Variants in CSMD1 observed in about 807,000 individuals in gnomAD.
CSMD1 encodes the protein CUB and sushi domain-containing protein 1.
A neutral mutation model predicts 417.5 loss-of-function variants in CSMD1; 213 were observed. The ratio of observed to expected loss-of-function variants is 0.51; its 90% CI spans 0.46 to 0.57. The LOEUF (loss-of-function observed/expected upper bound fraction) is 0.57, where lower values mean the gene tolerates loss of function less well. Ranked by LOEUF, CSMD1 falls within the 20% of genes least tolerant of loss-of-function variation. CSMD1 has a pLI of 0.00. For synonymous variants in CSMD1, 2,862 were observed against 1,736.8 expected (o/e 1.65, Z -16.11); for missense variants, 6,923 against 4,529.7 (o/e 1.53, Z -15.17).
chr8:4,261,548 GTAGATCTTTT>G (rs1324144444), intron 3 of CSMD1, among the ~76,000 whole-genome samples: 9 of 152,084 alleles, frequency 5.9e-5, no homozygotes, highest in Non-Finnish European at 1.3e-4. Flanking sequence ...TAAGGTAAGA[GTAGATCTTTT>G]TATTTATTTT....
At chr8:3,521,214 A>T (rs1041495080) in intron 10 of CSMD1, among the ~76,000 whole-genome samples, 15 of 152,066 alleles carry the variant, frequency 9.9e-5, no homozygotes, top group African/African-American at 3.4e-4. Context: ...TTGCTTAAAC[A>T]CCTTCCCTGG....
chr8:4,261,440 T>A (rs1240769497), intron 3 of CSMD1, among the ~76,000 whole-genome samples: 1 of 152,178 alleles, frequency 6.6e-6, no homozygotes, highest in East Asian at 1.9e-4. Context: ...TTGTCAAAGT[T>A]TACAAACTTC....
intron 18 of CSMD1, among the ~76,000 whole-genome samples, chr8:3,384,649 C>T (rs13252543): frequency 0.48 from 64,381 of 134,958 alleles, 15,436 homozygotes; most frequent in Middle Eastern, 0.5. Flanking sequence ...TTGCTATATA[C>T]ATATAAATTA....
intron 50 of CSMD1, among the ~76,000 whole-genome samples, chr8:3,046,612 T>C (rs1294050505): frequency 6.6e-6 from 1 of 152,122 alleles, no homozygotes; most frequent in Non-Finnish European, 1.5e-5. Flanking sequence ...TCCACCACGG[T>C]ACAGTGTACC....
intron 6 of CSMD1, among the ~76,000 whole-genome samples, chr8:3,740,991 G>A (rs937555951): frequency 6.6e-6 from 1 of 152,026 alleles, no homozygotes; most frequent in African/African-American, 2.4e-5. Context: ...AAGGTGGACG[G>A]ATCACCTCAG....
intron 1 of CSMD1, among the ~76,000 whole-genome samples, chr8:4,812,583 T>C (rs574642999): frequency 6.6e-6 from 1 of 151,928 alleles, no homozygotes; most frequent in East Asian, 2.0e-4. Context: ...TATATTAAAG[T>C]CAATCCAAGC....
At chr8:3,443,383 G>C (rs909642890) in intron 12 of CSMD1, among the ~76,000 whole-genome samples, 48 of 152,182 alleles carry the variant, frequency 3.2e-4, no homozygotes, top group Non-Finnish European at 5.9e-4. Context: ...ATGAGCTCCA[G>C]AATTCATTAG....
At chr8:4,319,594 G>C (rs1391808473) in intron 3 of CSMD1, among the ~76,000 whole-genome samples, 1 of 152,184 alleles carries the variant, frequency 6.6e-6, no homozygotes, top group Non-Finnish European at 1.5e-5. Context: ...GAAATACAGA[G>C]TGGTGATTCC....
intron 3 of CSMD1, among the ~76,000 whole-genome samples, chr8:4,168,124 G>C (rs1426150418): frequency 6.7e-6 from 1 of 149,164 alleles, no homozygotes; most frequent in Non-Finnish European, 1.5e-5. Context: ...GCAAGGCTCT[G>C]TCTCAAAAAT....
At chr8:4,001,092 T>C (rs546114030) in intron 4 of CSMD1, among the ~76,000 whole-genome samples, 2 of 152,318 alleles carry the variant, frequency 1.3e-5, no homozygotes, top group Admixed American at 6.5e-5. Flanking sequence ...TTATGAATTT[T>C]TGTCATGGCA....
At position 3,362,307 on chromosome 8, in the gene CSMD1, T is replaced by A. The variant is rs889592977; in HGVS notation, c.3116-2967A>T. ...CCTCCCTTCCAAGACTGTCTTCCTC[T>A]CATCTATTCAGGCTTTCCTTCACAG... On this transcript the variant is annotated intron_variant, in intron 20 of 69. Coordinates refer to ENST00000635120, the MANE Select transcript of CSMD1 (RefSeq NM_033225.6). Among the ~76,000 whole-genome samples the A allele has an allele frequency of 3.3e-5, 5 of 152,326 alleles. No homozygotes were observed. The East Asian group carries it at 9.7e-4, about 29-fold the overall frequency.
intron 3 of CSMD1, among the ~76,000 whole-genome samples, chr8:4,054,423 C>A (rs757342327): frequency 2.0e-4 from 30 of 152,086 alleles, no homozygotes; most frequent in Non-Finnish European, 4.4e-4. Flanking sequence ...CCCATCATAC[C>A]CCTAAACTCT....
chr8:3,318,860 C>G (rs141525867), intron 23 of CSMD1, among the ~76,000 whole-genome samples: 19 of 152,118 alleles, frequency 1.2e-4, no homozygotes, highest in Non-Finnish European at 2.6e-4. Context: ...CCTGTGCTTT[C>G]CACGGGGCAG....
At chr8:3,349,848 AATAT>A (rs1478147304) in intron 21 of CSMD1, among the ~76,000 whole-genome samples, 2 of 139,806 alleles carry the variant, frequency 1.4e-5, no homozygotes, top group Admixed American at 7.6e-5. Flanking sequence ...TCTAGATATA[AATAT>A]ATATAATTAT....
chr8:3,589,070 C>T (rs1299859469), intron 8 of CSMD1, among the ~76,000 whole-genome samples: 2 of 152,000 alleles, frequency 1.3e-5, no homozygotes, highest in African/African-American at 4.8e-5. Context: ...ATCAAAAAGA[C>T]AAAAAATAAT....
At chr8:3,560,054 T>A (rs147001256) in intron 10 of CSMD1, among the ~76,000 whole-genome samples, 3 of 152,164 alleles carry the variant, frequency 2.0e-5, no homozygotes, top group East Asian at 3.9e-4. Flanking sequence ...TGAGAGACAA[T>A]TGATTTTTTT....
intron 24 of CSMD1, 110 bp downstream of exon 24, chr8:3,308,202 A>C: frequency 1.2e-6 from 1 of 804,874 alleles, no homozygotes; most frequent in Non-Finnish European, 2.0e-6. Flanking sequence ...CTCACACTGG[A>C]AAGTGTGATA....
intron 1 of CSMD1, among the ~76,000 whole-genome samples, chr8:4,672,780 T>A (rs1805408119): frequency 6.6e-6 from 1 of 151,504 alleles, no homozygotes; most frequent in African/African-American, 2.4e-5. Flanking sequence ...CATGGTGACA[T>A]GACACACATA....
At chr8:4,122,826 C>G (rs780923510) in intron 3 of CSMD1, among the ~76,000 whole-genome samples, 2 of 152,194 alleles carry the variant, frequency 1.3e-5, no homozygotes, top group African/African-American at 4.8e-5. Flanking sequence ...CCCCCTCCCT[C>G]TGTAACAGAG....
Sources: allele counts gnomAD v4.1 joint callset (sites outside exome capture counted in the v4.1 genomes callset), GRCh38; gene constraint gnomAD v4.1.1; transcripts MANE v1.5; gene names NCBI Gene and HGNC (gene_info 2026-07-23, HGNC 2026-07-21).